SECISBP2: variants seen among roughly 807,000 people sequenced by gnomAD.
SECISBP2 encodes SECIS binding protein 2.
Under a neutral mutation model 98.2 loss-of-function variants are expected in SECISBP2, and 96 were observed. The ratio of observed to expected loss-of-function variants is 0.98; its 90% confidence interval spans 0.83 to 1.16. SECISBP2 has a LOEUF of 1.16. Among genes scored for constraint, SECISBP2 ranks in the 50% most tolerant of loss-of-function variants. The pLI, the probability that SECISBP2 is intolerant of heterozygous loss-of-function variation, is 0.00. For synonymous variants in SECISBP2, 407 were observed against 370.2 expected (o/e 1.10, Z -1.14); for missense variants, 1,046 against 1,022.9 (o/e 1.02, Z -0.31).
intron 4 of SECISBP2, among the ~76,000 whole-genome samples, chr9:89,327,450 T>TAG (rs1055996286): frequency 1.8e-4 from 28 of 152,348 alleles, no homozygotes; most frequent in African/African-American, 6.3e-4. Context: ...TAATAACACT[T>TAG]ACCTTTTGTA....
intron 7 of SECISBP2, among the ~76,000 whole-genome samples, chr9:89,338,091 T>C (rs553206811): frequency 1.3e-5 from 2 of 152,292 alleles, no homozygotes; most frequent in Admixed American, 6.5e-5. Context: ...AGGTGTGATG[T>C]GCAGATGAGG....
intron 8 of SECISBP2, among the ~76,000 whole-genome samples, chr9:89,339,587 C>T (rs1218257892): frequency 6.6e-6 from 1 of 152,182 alleles, no homozygotes; most frequent in Non-Finnish European, 1.5e-5. Context: ...TGAATACTCT[C>T]ATGCCAAGGT....
chr9:89,325,827 T>C, intron 3 of SECISBP2, 70 bp from the exon 4 acceptor site: 1 of 1,602,842 alleles, frequency 6.2e-7, no homozygotes. Flanking sequence ...GAATACTTAA[T>C]ATTTTGCTGC....
At chr9:89,322,261 G>A (rs1334458687) in intron 2 of SECISBP2, 2 of 152,244 alleles carry the variant, frequency 1.3e-5, no homozygotes, top group Non-Finnish European at 2.9e-5. Context: ...GCCATGTTTG[G>A]AAAATACTGA....
At chr9:89,328,617 A>G (rs1301099984) in intron 4 of SECISBP2, 43 bp from the exon 5 acceptor site, 1 of 1,545,042 alleles carries the variant, frequency 6.5e-7, no homozygotes, top group Admixed American at 1.7e-5. Flanking sequence ...GTCATCAAAC[A>G]GTAACTAAAT....
intron 15 of SECISBP2, 103 bp downstream of exon 15, chr9:89,357,668 G>C (rs1832299552): frequency 1.4e-6 from 2 of 1,429,634 alleles, no homozygotes; most frequent in Non-Finnish European, 2.0e-6. Flanking sequence ...AGAACCTCCA[G>C]TAGGCTGTCA....
chr9:89,347,795 A>G (rs978663183), intron 11 of SECISBP2, among the ~76,000 whole-genome samples: 1 of 152,156 alleles, frequency 6.6e-6, no homozygotes, highest in Non-Finnish European at 1.5e-5. Flanking sequence ...TTCTTACAGC[A>G]GCCTGTGGTG....
Position 89,334,215 on chromosome 9 carries a change from A to G in SECISBP2, c.881-307A>G, listed in dbSNP as rs1006263494. On this transcript the variant is annotated intron_variant, in intron 6 of 16. Coordinates refer to ENST00000375807, the MANE Select transcript of SECISBP2 (RefSeq NM_024077.5). ...AATTCTGTGTGCTTGCCACGTGGAC[A>G]TTTATTGTGGATTGTTGTTTTTTAA... The G allele has an allele frequency of 4.1e-6, 5 of 1,208,054 alleles. No homozygotes were observed. In the South Asian group the frequency reaches 5.0e-5, roughly 12 times the overall value. 74.8% of individuals were successfully genotyped at this position (1,208,054 alleles called of 1,614,324 possible). A position where few individuals can be genotyped will look rare whatever the true frequency, so the allele number is the denominator to read the frequency against.
Position 89,358,942 on chromosome 9 carries a change from T to G in SECISBP2, c.*118T>G, listed in dbSNP as rs1239264683. The G allele has an allele frequency of 1.4e-6, 1 of 729,372 alleles. No homozygotes were observed. The highest frequency in any genetic ancestry group is 2.7e-5 in the East Asian group (1 of 37,040). The allele number at this position is 729,372 out of a possible 1,614,324, so 45.2% of individuals were successfully genotyped here. ...TTTGTGTAACTGTTGAATCTGGAAA[T>G]TGATCAGCATTAAAGGGCACATGAA... On this transcript the variant is annotated 3_prime_UTR_variant, in exon 17 of 17. Coordinates refer to ENST00000375807, the MANE Select transcript of SECISBP2 (RefSeq NM_024077.5).
Position 89,348,161 on chromosome 9 carries a change from A to G in SECISBP2, c.1685A>G (p.Gln562Arg). 1 of 1,614,230 alleles carries G rather than the reference A, an allele frequency of 6.2e-7. No individual in the cohort carries two copies. The change falls in exon 12 of 17, where the codon CAA becomes CGA. Residue 562 changes from glutamine (Q) to arginine (R), a missense_variant. Gln to Arg is a conservative substitution (Grantham distance 43). Transcript: ENST00000375807. ...VSPAFTSDDT[Q>R]DGESGGDDQF... is the part of the protein sequence containing the mutation. Reference sequence around the variant, plus strand: ...CCAGCTTTTACCAGTGATGACACACAAGATGGAGAGAGTGGTGGTGATGAC... The same window carrying G: ...CCAGCTTTTACCAGTGATGACACACGAGATGGAGAGAGTGGTGGTGATGAC...
At chr9:89,325,267 A>T (rs1044927396) in intron 2 of SECISBP2, 160 bp from the exon 3 acceptor site, 19 of 670,498 alleles carry the variant, frequency 2.8e-5, no homozygotes, top group Non-Finnish European at 4.5e-5. Context: ...TGAGAAAGAA[A>T]CACCCAGAGA....
At chr9:89,366,248 T>C in the SECISBP2 span, among the ~76,000 whole-genome samples, 47,280 of 152,144 alleles carry the variant, frequency 0.31, 7,670 homozygotes, top group South Asian at 0.44. Context: ...CAAAAATGGC[T>C]GGGATGCTGG....
chr9:89,366,172 A>G, the SECISBP2 span, among the ~76,000 whole-genome samples: 2 of 152,200 alleles, frequency 1.3e-5, no homozygotes, highest in African/African-American at 4.8e-5. Flanking sequence ...GTGAAACAAT[A>G]TCTAGGAATG....
chr9:89,337,822 A>C (rs1296265839), intron 7 of SECISBP2, among the ~76,000 whole-genome samples: 7 of 152,266 alleles, frequency 4.6e-5, no homozygotes, highest in Admixed American at 3.9e-4. Context: ...GAGAGTGATC[A>C]GTGCTCTGAA....
intron 10 of SECISBP2, among the ~76,000 whole-genome samples, chr9:89,342,649 A>G (rs541364656): frequency 6.6e-6 from 1 of 152,264 alleles, no homozygotes; most frequent in Non-Finnish European, 1.5e-5. Context: ...ACATTATACC[A>G]TATAAAATTA....
At chr9:89,347,495 G>A (rs553107935) in intron 11 of SECISBP2, among the ~76,000 whole-genome samples, 25 of 131,164 alleles carry the variant, frequency 1.9e-4, no homozygotes, top group Non-Finnish European at 3.4e-4. Flanking sequence ...TTTTTGAGAC[G>A]GAGTTTTGCT....
At chr9:89,342,519 C>T (rs904962251) in intron 10 of SECISBP2, among the ~76,000 whole-genome samples, 1 of 152,098 alleles carries the variant, frequency 6.6e-6, no homozygotes, top group Non-Finnish European at 1.5e-5. Context: ...GTAGAAACAG[C>T]GCAAATGTTC....
intron 14 of SECISBP2, chr9:89,355,280 G>A: frequency 2.0e-6 from 2 of 985,432 alleles, no homozygotes; most frequent in Non-Finnish European, 2.4e-6. Flanking sequence ...TGAGTATCCT[G>A]TAGGCCAGAT....
chr9:89,359,309 AG>A lies in SECISBP2; in HGVS notation c.*488del, dbSNP rs1272634746. Reference sequence around the variant, plus strand: ...GCAGGGCTGCTGGTGTCAGAGCAAGAGGGCTACAGGGAAAGGGCCCTTTCTC... The same window carrying A: ...GCAGGGCTGCTGGTGTCAGAGCAAGAGGCTACAGGGAAAGGGCCCTTTCTC... On this transcript the variant is annotated 3_prime_UTR_variant, in exon 17 of 17. Coordinates refer to ENST00000375807, the MANE Select transcript of SECISBP2 (RefSeq NM_024077.5). 1 of 164,988 alleles carries A rather than the reference AG, an allele frequency of 6.1e-6. No individual in the cohort carries two copies. Among genetic ancestry groups the A allele is most frequent in the African/African-American group, 2.4e-5 (1 of 41,586 alleles). 10.2% of individuals were successfully genotyped at this position (164,988 alleles called of 1,614,324 possible).
Sources: gnomAD v4.1 joint callset for allele counts (sites outside exome capture counted in the v4.1 genomes callset) on GRCh38, gnomAD v4.1.1 for gene constraint, MANE v1.5 for transcripts, NCBI Gene and HGNC (gene_info 2026-07-23, HGNC 2026-07-21) for gene names.